Variants in CNGA1 observed in about 807,000 individuals in gnomAD.
CNGA1 encodes the protein cyclic nucleotide-gated channel alpha-1.
Under a neutral mutation model 69.7 loss-of-function variants are expected in CNGA1, and 53 were observed. The ratio of observed to expected loss-of-function variants is 0.76; its 90% CI spans 0.61 to 0.96. CNGA1 has a LOEUF of 0.96. Ranked by LOEUF, CNGA1 falls within the 40% of genes least tolerant of loss-of-function variation. The probability of loss-of-function intolerance (pLI) is 0.00; values close to 1 mark genes in which losing one functional copy is unlikely to be tolerated. For missense variants in CNGA1, 739 were observed against 811.2 expected (o/e 0.91, Z 1.08); for synonymous variants, 249 against 283.5 (o/e 0.88, Z 1.22).
Position 47,949,890 on chromosome 4 carries a change from T to G in CNGA1, c.230A>C (p.Gln77Pro), listed in dbSNP as rs1023439906. ...AAGTGCAATGGCACCAGGCAGGTAC[T>G]GCTCCCTGGGAAATGAAAAACATGC... Reference protein sequence around the residue: ...LRKGGPSQREQYLPGAIALFN... With the variant: ...LRKGGPSQREPYLPGAIALFN... The change falls in exon 6 of 11, where the codon CAG becomes CCG. Residue 77 changes from glutamine to proline, a missense_variant. Gln to Pro is a moderately conservative substitution (Grantham distance 76, BLOSUM62 -1). Transcript: ENST00000514170. 2 of 1,613,908 alleles carry G rather than the reference T, an allele frequency of 1.2e-6. No individual in the cohort carries two copies. The highest frequency in any genetic ancestry group is 2.7e-5 in the African/African-American group (2 of 74,952).
At chr4:48,002,601 C>T (rs1238815699) in intron 2 of CNGA1, among the ~76,000 whole-genome samples, 1 of 149,602 alleles carries the variant, frequency 6.7e-6, no homozygotes, top group African/African-American at 2.5e-5. Context: ...CAAAGCTGCC[C>T]TTCTGTGGGC....
At chr4:47,995,736 C>G (rs1380484115) in intron 2 of CNGA1, among the ~76,000 whole-genome samples, 2 of 151,906 alleles carry the variant, frequency 1.3e-5, no homozygotes, top group African/African-American at 2.4e-5. Flanking sequence ...TTTATATTAC[C>G]AGAGTTGGTT....
In CNGA1 at chr4:47,940,914, C is replaced by G. The variant is rs771388483; in HGVS notation, c.546-45G>C. On this transcript the variant is annotated intron_variant, in intron 9 of 10. Coordinates refer to ENST00000514170, the MANE Select transcript of CNGA1 (RefSeq NM_001379270.1). ...TGTATAAATAAAAAAGAAATGGGGG[C>G]CAATTTAAGTAAAAGTTCTCTTTGT... 3.8e-5 allele frequency: 47 copies of G among 1,250,086 alleles called. No individual in the cohort carries two copies. The Admixed American group carries it at 8.3e-4, about 22-fold the overall frequency. 77.4% of individuals were successfully genotyped at this position (1,250,086 alleles called of 1,614,324 possible).
intron 2 of CNGA1, among the ~76,000 whole-genome samples, chr4:48,005,131 T>TATTTATTA (rs1266683850): frequency 2.0e-5 from 3 of 151,886 alleles, no homozygotes; most frequent in Non-Finnish European, 4.4e-5. Flanking sequence ...TTTATTTATT[T>TATTTATTA]ATTTGAGATG....
chr4:48,010,547 C>T (rs1307751556), intron 2 of CNGA1, among the ~76,000 whole-genome samples: 5 of 152,164 alleles, frequency 3.3e-5, no homozygotes, highest in African/African-American at 1.2e-4. Context: ...GGTGGCAAGC[C>T]TCGTGTTCTC....
In CNGA1 at chr4:47,974,705, C is replaced by T. The variant is rs572392168; in HGVS notation, c.-15+6688G>A. ...TCCATCTCAGTATTTAATTGCAGAA[C>T]TAAGTTTTTTTTTTTTTTTAACATT... On this transcript the variant is annotated intron_variant, in intron 3 of 10. Coordinates refer to ENST00000514170, the MANE Select transcript of CNGA1 (RefSeq NM_001379270.1). Among the ~76,000 whole-genome samples, 31 of 123,786 alleles carry T rather than the reference C, an allele frequency of 2.5e-4. No homozygotes were observed. The South Asian group carries it at 8.4e-3, about 34-fold the overall frequency. 81.2% of individuals were successfully genotyped at this position (123,786 alleles called of 152,430 possible). A position where few individuals can be genotyped will look rare whatever the true frequency, so the allele number is the denominator to read the frequency against.
intron 2 of CNGA1, among the ~76,000 whole-genome samples, chr4:48,008,667 T>C (rs1352023257): frequency 6.6e-6 from 1 of 152,258 alleles, no homozygotes; most frequent in Non-Finnish European, 1.5e-5. Flanking sequence ...ATGAAAACTG[T>C]GATAGTCATC....
rs556443289 is a variant in CNGA1, at chr4:47,969,384, T to A, written c.-15+12009A>T. 5.0e-4 allele frequency among the ~76,000 whole-genome samples: 76 copies of A among 152,138 alleles called. 1 individual carries two copies. Among genetic ancestry groups the A allele is most frequent in the Non-Finnish European group, 9.6e-4 (65 of 68,000 alleles). On this transcript the variant is annotated intron_variant, in intron 3 of 10. Transcript: ENST00000514170. ...TCCATAGAGCAGAAACACAGAGAACTGTGTTTCGGAAACTGATTCGGAGAC... is the reference window on the plus strand; with the variant it reads ...TCCATAGAGCAGAAACACAGAGAACAGTGTTTCGGAAACTGATTCGGAGAC...
intron 6 of CNGA1, among the ~76,000 whole-genome samples, chr4:47,945,131 G>A (rs907519516): frequency 6.6e-6 from 1 of 152,146 alleles, no homozygotes; most frequent in African/African-American, 2.4e-5. Context: ...GGGAGGTTGA[G>A]GCGGGAGGAT....
intron 3 of CNGA1, among the ~76,000 whole-genome samples, chr4:47,962,697 T>C (rs1242227293): frequency 6.6e-6 from 1 of 152,190 alleles, no homozygotes; most frequent in Non-Finnish European, 1.5e-5. Flanking sequence ...CTCTATGCTT[T>C]TAACTTCTCG....
intron 3 of CNGA1, among the ~76,000 whole-genome samples, chr4:47,975,491 AAAAC>A (rs1449905175): frequency 2.0e-5 from 3 of 152,224 alleles, no homozygotes; most frequent in Non-Finnish European, 2.9e-5. Context: ...TCAATTAACT[AAAAC>A]AAACAAATAA....
At position 47,940,855 on chromosome 4, in the gene CNGA1, T is replaced by C; in HGVS notation, c.560A>G (p.Glu187Gly). 3 of 1,607,302 alleles carry C rather than the reference T, an allele frequency of 1.9e-6. No individual in the cohort carries two copies. The highest frequency in any genetic ancestry group is 8.5e-7 in the Non-Finnish European group (1 of 1,174,364). Reference protein sequence around the residue: ...TMVIARACFDELQSDYLEYWL... With the variant: ...TMVIARACFDGLQSDYLEYWL... ...ATATTCTAGGTAATCAGATTGAAGT[T>C]CATCAAAACATGCTCTATAAAAAAA... is the stretch of plus-strand genomic sequence containing the variant. Residue 187 changes from glutamate to glycine, a missense_variant, in exon 10 of 11, where the codon GAA (glutamate) becomes GGA (glycine). Transcript: ENST00000514170.
chr4:47,965,396 A>G (rs149546197), intron 3 of CNGA1, among the ~76,000 whole-genome samples: 8 of 151,884 alleles, frequency 5.3e-5, no homozygotes, highest in African/African-American at 1.7e-4. Context: ...TAACACTTCT[A>G]TGATAAACAC....
intron 2 of CNGA1, among the ~76,000 whole-genome samples, chr4:48,009,602 A>C (rs947608288): frequency 6.6e-6 from 1 of 152,056 alleles, no homozygotes; most frequent in Non-Finnish European, 1.5e-5. Context: ...TCAGGAATTC[A>C]AGACCACCCT....
At chr4:48,005,105 A>ATTATTTAT (rs58158986) in intron 2 of CNGA1, among the ~76,000 whole-genome samples, 10,231 of 145,394 alleles carry the variant, frequency 0.07, 438 homozygotes, top group East Asian at 0.17. Flanking sequence ...TTGCTTTTTT[A>ATTATTTAT]TTATTTATTT....
intron 2 of CNGA1, among the ~76,000 whole-genome samples, chr4:48,006,552 A>T (rs1714925876): frequency 6.6e-6 from 1 of 152,338 alleles, no homozygotes; most frequent in East Asian, 1.9e-4. Context: ...ATACCAAATA[A>T]CCAAATATGT....
chr4:47,956,865 C>CT (rs1740119915), intron 3 of CNGA1, among the ~76,000 whole-genome samples: 2 of 152,098 alleles, frequency 1.3e-5, no homozygotes, highest in East Asian at 1.9e-4. Context: ...GTCAAACTGC[C>CT]TTTTTTGCTG....
intron 10 of CNGA1, among the ~76,000 whole-genome samples, chr4:47,938,540 G>A (rs896573599): frequency 1.3e-5 from 2 of 151,918 alleles, no homozygotes; most frequent in Non-Finnish European, 2.9e-5. Context: ...CTACAGGCAC[G>A]TGCCACCACG....
chr4:47,939,754 T>C (rs1738954324), intron 10 of CNGA1, among the ~76,000 whole-genome samples: 1 of 152,234 alleles, frequency 6.6e-6, no homozygotes, highest in Non-Finnish European at 1.5e-5. Context: ...ACCAGAATTG[T>C]GTTGTATTGA....
Sources: gnomAD v4.1 joint callset for allele counts (sites outside exome capture counted in the v4.1 genomes callset) on GRCh38, gnomAD v4.1.1 for gene constraint, MANE v1.5 for transcripts, NCBI Gene and HGNC (gene_info 2026-07-23, HGNC 2026-07-21) for gene names.